CAMK4: variants seen among roughly 807,000 people sequenced by gnomAD.
CAMK4 encodes the protein calcium/calmodulin-dependent protein kinase type IV.
Under a neutral mutation model 44.9 loss-of-function variants are expected in CAMK4, and 22 were observed. The ratio of observed to expected loss-of-function variants is 0.49; its 90% CI spans 0.35 to 0.70. The LOEUF (loss-of-function observed/expected upper bound fraction) is 0.70. Ranked by LOEUF, CAMK4 falls within the 30% of genes least tolerant of loss-of-function variation. The probability of loss-of-function intolerance (pLI) is 0.01; values close to 1 mark genes in which losing one functional copy is unlikely to be tolerated. For missense variants in CAMK4, 498 were observed against 586.8 expected (o/e 0.85, Z 1.56); for synonymous variants, 218 against 215.4 (o/e 1.01, Z -0.11).
intron 4 of CAMK4, among the ~76,000 whole-genome samples, chr5:111,387,852 C>T (rs759241277): frequency 6.6e-6 from 1 of 152,170 alleles, no homozygotes; most frequent in Non-Finnish European, 1.5e-5. Flanking sequence ...TGATGTCATA[C>T]AACTGAAATT....
chr5:111,443,750 TG>T (rs1753930384), intron 5 of CAMK4, among the ~76,000 whole-genome samples: 1 of 152,214 alleles, frequency 6.6e-6, no homozygotes, highest in Non-Finnish European at 1.5e-5. Context: ...CATTTGTCTT[TG>T]TTACTGTGTT....
At chr5:111,376,352 A>T (rs1751211580) in intron 3 of CAMK4, among the ~76,000 whole-genome samples, 1 of 151,956 alleles carries the variant, frequency 6.6e-6, no homozygotes, top group African/African-American at 2.4e-5. Context: ...TTTTCTGAGG[A>T]TTCCTTCACC....
intron 1 of CAMK4, among the ~76,000 whole-genome samples, chr5:111,308,838 A>T (rs925736364): frequency 7.2e-5 from 11 of 152,256 alleles, no homozygotes; most frequent in African/African-American, 2.7e-4. Flanking sequence ...TTAAATATTC[A>T]GTAATCTTAA....
chr5:111,406,637 C>T (rs1479977622), intron 5 of CAMK4, among the ~76,000 whole-genome samples: 2 of 151,124 alleles, frequency 1.3e-5, no homozygotes, highest in African/African-American at 2.5e-5. Flanking sequence ...GCTTCTAGAC[C>T]AGATGACTCT....
At chr5:111,368,912 T>C (rs1750898384) in intron 2 of CAMK4, among the ~76,000 whole-genome samples, 1 of 151,912 alleles carries the variant, frequency 6.6e-6, no homozygotes, top group Non-Finnish European at 1.5e-5. Flanking sequence ...ATTGACATTT[T>C]TCTTTCATTT....
At chr5:111,230,427 T>G (rs1748412912) in intron 1 of CAMK4, among the ~76,000 whole-genome samples, 1 of 152,178 alleles carries the variant, frequency 6.6e-6, no homozygotes, top group South Asian at 2.1e-4. Flanking sequence ...GCATAGTAAA[T>G]GCTAAATTTG....
intron 1 of CAMK4, among the ~76,000 whole-genome samples, chr5:111,279,035 GCACGGCCTTAGTATGAGTGGCAACC>G (rs1222214926): frequency 6.6e-6 from 1 of 152,170 alleles, no homozygotes; most frequent in African/African-American, 2.4e-5. Context: ...GCCCCCTGGA[GCACGGCCTTAGTATGAGTGGCAACC>G]CTTGGAATTT....
At chr5:111,384,700 A>G (rs73789803) in intron 4 of CAMK4, among the ~76,000 whole-genome samples, 4,958 of 152,160 alleles carry the variant, frequency 0.033, 283 homozygotes, top group African/African-American at 0.11. Context: ...CAGCTTTGAA[A>G]TCTGTTCCCT....
At position 111,373,090 on chromosome 5, in the gene CAMK4, T is replaced by A. The variant is rs189637683; in HGVS notation, c.241-1760T>A. Among the ~76,000 whole-genome samples the A allele has an allele frequency of 5.4e-3, 826 of 152,302 alleles. 12 individuals are homozygous for A. Among genetic ancestry groups the A allele is most frequent in the South Asian group, 0.021 (103 of 4,824 alleles). The stretch of plus-strand genomic sequence containing the variant: ...ATCCAAACAACAAAAGTAAAATACA[T>A]TTTTGTTTTGTAATATTGCAAATTG... On this transcript the variant is annotated intron_variant, in intron 2 of 10. Coordinates refer to ENST00000282356, the MANE Select transcript of CAMK4 (RefSeq NM_001744.6).
chr5:111,476,257 G>C (rs1479773545), intron 8 of CAMK4, among the ~76,000 whole-genome samples: 1 of 144,556 alleles, frequency 6.9e-6, no homozygotes, highest in Non-Finnish European at 1.5e-5. Context: ...GTGTGTGTGT[G>C]TGTGTGTGTG....
chr5:111,231,483 T>C (rs1163548153), intron 1 of CAMK4, among the ~76,000 whole-genome samples: 4 of 152,174 alleles, frequency 2.6e-5, no homozygotes, highest in African/African-American at 9.7e-5. Flanking sequence ...GTCAAATGTG[T>C]CCCCTCTCTC....
At position 111,487,692 on chromosome 5, in the gene CAMK4, C is replaced by G. The variant is rs1755682345; in HGVS notation, c.*3226C>G. 2 of 151,896 alleles carry G rather than the reference C, an allele frequency of 1.3e-5. No homozygotes were observed. The highest frequency in any genetic ancestry group is 4.8e-5 in the African/African-American group (2 of 41,316). The allele number at this position is 151,896 out of a possible 1,614,324, so 9.4% of individuals were successfully genotyped here. On this transcript the variant is annotated 3_prime_UTR_variant, in exon 11 of 11. Coordinates refer to ENST00000282356, the MANE Select transcript of CAMK4 (RefSeq NM_001744.6). Reference sequence around the variant, plus strand: ...TCAAAATCAAGAGTGTATGTTAGGCCTTTGGGACATCAAGTGCTCAATAGT... The same window carrying G: ...TCAAAATCAAGAGTGTATGTTAGGCGTTTGGGACATCAAGTGCTCAATAGT...
chr5:111,237,037 C>T (rs1234888141), intron 1 of CAMK4, among the ~76,000 whole-genome samples: 7 of 152,180 alleles, frequency 4.6e-5, no homozygotes, highest in Non-Finnish European at 7.4e-5. Flanking sequence ...TTGTTCAGTA[C>T]GTGTCTCCCT....
intron 1 of CAMK4, among the ~76,000 whole-genome samples, chr5:111,289,683 A>G (rs1331071701): frequency 1.3e-5 from 2 of 152,262 alleles, no homozygotes; most frequent in South Asian, 2.1e-4. Flanking sequence ...GTAGTTCCAC[A>G]TCTTTATCCC....
intron 4 of CAMK4, among the ~76,000 whole-genome samples, chr5:111,389,756 A>G (rs1751734409): frequency 6.6e-6 from 1 of 152,236 alleles, no homozygotes. Context: ...GAAATTTAAC[A>G]GCTATTCTTC....
chr5:111,235,118 C>T (rs1748655357), intron 1 of CAMK4, among the ~76,000 whole-genome samples: 1 of 151,984 alleles, frequency 6.6e-6, no homozygotes, highest in African/African-American at 2.4e-5. Context: ...TTTGGTTTGC[C>T]TTACTTTTAC....
At chr5:111,245,411 G>A (rs573217188) in intron 1 of CAMK4, among the ~76,000 whole-genome samples, 2 of 152,254 alleles carry the variant, frequency 1.3e-5, no homozygotes, top group South Asian at 2.1e-4. Flanking sequence ...AGGGAAAATT[G>A]CAAGTGTTGT....
At chr5:111,379,783 T>C (rs1454968349) in intron 4 of CAMK4, among the ~76,000 whole-genome samples, 1 of 151,964 alleles carries the variant, frequency 6.6e-6, no homozygotes, top group Admixed American at 6.6e-5. Context: ...ATCATATGAG[T>C]CAATTATACT....
At chr5:111,297,024 C>A (rs577417105) in intron 1 of CAMK4, among the ~76,000 whole-genome samples, 1 of 152,274 alleles carries the variant, frequency 6.6e-6, no homozygotes, top group East Asian at 1.9e-4. Flanking sequence ...AGAATTGGCC[C>A]CAAATCCTTA....
Sources: gnomAD v4.1 joint callset for allele counts (sites outside exome capture counted in the v4.1 genomes callset) on GRCh38, gnomAD v4.1.1 for gene constraint, MANE v1.5 for transcripts, NCBI Gene and HGNC (gene_info 2026-07-23, HGNC 2026-07-21) for gene names.